Variants in DCP2 observed in about 807,000 individuals in gnomAD.
DCP2 encodes the protein m7GpppN-mRNA hydrolase.
Under a neutral mutation model 56.1 loss-of-function variants are expected in DCP2, and 30 were observed. The ratio of observed to expected loss-of-function variants is 0.53; its 90% CI spans 0.40 to 0.73. The LOEUF is 0.73. Among genes scored for constraint, DCP2 ranks in the 30% least tolerant of loss-of-function variants. DCP2 has a pLI of 0.00. For missense variants in DCP2, 533 were observed against 502.7 expected (o/e 1.06, Z -0.58); for synonymous variants, 197 against 163.3 (o/e 1.21, Z -1.57).
chr5:113,013,718 T>C lies in DCP2; in HGVS notation c.*234T>C. The stretch of plus-strand genomic sequence containing the variant: ...AGTGTTCAGTACAAGTTTAAGTTGC[T>C]TTCTTTGAGGGCATTTATTCTGTGT... On this transcript the variant is annotated 3_prime_UTR_variant, in exon 11 of 11. Transcript: ENST00000389063. The C allele has an allele frequency of 2.4e-6, 1 of 425,092 alleles. No homozygotes were observed. The highest frequency in any genetic ancestry group is 4.1e-6 in the Non-Finnish European group (1 of 242,160). The allele number at this position is 425,092 out of a possible 1,614,324, so 26.3% of individuals were successfully genotyped here. A position where few individuals can be genotyped will look rare whatever the true frequency, so the allele number is the denominator to read the frequency against.
rs902751983 is a variant in DCP2, at chr5:113,019,550, G to A, written c.*6066G>A. On this transcript the variant is annotated 3_prime_UTR_variant, in exon 11 of 11. Coordinates refer to ENST00000389063, the MANE Select transcript of DCP2 (RefSeq NM_152624.6). ...AAGAAATGAGTCTTAAAGTTCTTTGGTCATATTTCACTTTAGAGTTAGGAC... is the reference window on the plus strand; with the variant it reads ...AAGAAATGAGTCTTAAAGTTCTTTGATCATATTTCACTTTAGAGTTAGGAC... 4.6e-5 allele frequency: 7 copies of A among 152,132 alleles called. No individual in the cohort carries two copies. Among genetic ancestry groups the A allele is most frequent in the African/African-American group, 1.4e-4 (6 of 41,428 alleles). 9.4% of individuals were successfully genotyped at this position (152,132 alleles called of 1,614,324 possible). A position where few individuals can be genotyped will look rare whatever the true frequency, so the allele number is the denominator to read the frequency against.
At chr5:113,003,193 C>G (rs1373326934) in intron 7 of DCP2, among the ~76,000 whole-genome samples, 1 of 152,068 alleles carries the variant, frequency 6.6e-6, no homozygotes, top group Non-Finnish European at 1.5e-5. Context: ...GTGATCTACC[C>G]TCCTTGGCCT....
chr5:112,993,799 G>A (rs796482710), intron 4 of DCP2, among the ~76,000 whole-genome samples: 7 of 152,030 alleles, frequency 4.6e-5, no homozygotes, highest in Admixed American at 2.6e-4. Context: ...AACTAACTCT[G>A]TGTATAGGGC....
chr5:112,992,329 C>T lies in DCP2; in HGVS notation c.333+81C>T, dbSNP rs1231861646. ...AAAATTTGTTATTGATGTAGTGTTT[C>T]TAAATTGAGGTTTTAAAATATACTT... On this transcript the variant is annotated intron_variant, in intron 3 of 10. Coordinates refer to ENST00000389063, the MANE Select transcript of DCP2 (RefSeq NM_152624.6). The T allele has an allele frequency of 4.0e-6, 6 of 1,509,152 alleles. No homozygotes were observed. The East Asian group carries it at 9.4e-5, about 24-fold the overall frequency. The allele number at this position is 1,509,152 out of a possible 1,614,324, so 93.5% of individuals were successfully genotyped here. A position where few individuals can be genotyped will look rare whatever the true frequency, so the allele number is the denominator to read the frequency against.
At chr5:113,000,370 A>AT (rs376523982) in intron 4 of DCP2, among the ~76,000 whole-genome samples, 1 of 149,506 alleles carries the variant, frequency 6.7e-6, no homozygotes, top group East Asian at 2.0e-4. Flanking sequence ...GCCCAGTCCT[A>AT]TTTTTTTGAA....
chr5:112,999,567 T>A (rs1423616193), intron 4 of DCP2, among the ~76,000 whole-genome samples: 1 of 151,934 alleles, frequency 6.6e-6, no homozygotes. Context: ...ACCTGGTGAT[T>A]AGCCTGCCTT....
chr5:112,988,494 TAAAAAAAA>T lies in DCP2; in HGVS notation c.205+2525_205+2532del, dbSNP rs368124032. 6.9e-4 allele frequency among the ~76,000 whole-genome samples: 57 copies of T among 82,436 alleles called. No individual in the cohort carries two copies. The South Asian group carries it at 7.3e-3, about 11-fold the overall frequency. 54.1% of individuals were successfully genotyped at this position (82,436 alleles called of 152,430 possible). ...GTGACACAGCGAGACTGTGTCTTAA[TAAAAAAAA>T]AAAAAAAAAAAAAAAATGGTATCCA... On this transcript the variant is annotated intron_variant, in intron 2 of 10. Coordinates refer to ENST00000389063, the MANE Select transcript of DCP2 (RefSeq NM_152624.6).
intron 8 of DCP2, among the ~76,000 whole-genome samples, chr5:113,006,476 G>A (rs975786862): frequency 6.6e-6 from 1 of 152,192 alleles, no homozygotes; most frequent in Admixed American, 6.5e-5. Context: ...AGAGTGGAAT[G>A]AAACTAAATT....
At chr5:113,001,857 T>G (rs1459627306) in intron 7 of DCP2, among the ~76,000 whole-genome samples, 183 bp downstream of exon 7, 1 of 152,136 alleles carries the variant, frequency 6.6e-6, no homozygotes, top group Admixed American at 6.6e-5. Context: ...AAAGGTTAAT[T>G]GGAGTTGGAA....
intron 4 of DCP2, among the ~76,000 whole-genome samples, chr5:112,997,049 G>C (rs1386750203): frequency 5.9e-5 from 9 of 152,168 alleles, no homozygotes; most frequent in Non-Finnish European, 2.9e-5. Flanking sequence ...AAAGCAGAGG[G>C]GACTTCCTTA....
chr5:112,991,960 A>C (rs1219094621), intron 2 of DCP2, among the ~76,000 whole-genome samples, 161 bp from the exon 3 acceptor site: 1 of 152,216 alleles, frequency 6.6e-6, no homozygotes, highest in East Asian at 1.9e-4. Context: ...CTGGGGTTAC[A>C]GGTGTGAGCC....
At chr5:112,984,115 G>A (rs1050253116) in intron 1 of DCP2, 4 of 152,174 alleles carry the variant, frequency 2.6e-5, no homozygotes, top group African/African-American at 4.8e-5. Flanking sequence ...GTTGACAGAT[G>A]TGTACCAGGT....
chr5:112,982,672 TCTTA>T (rs146937534), intron 1 of DCP2, among the ~76,000 whole-genome samples: 2,999 of 152,300 alleles, frequency 0.02, 93 homozygotes, highest in African/African-American at 0.068. Flanking sequence ...CCCCGAGGGC[TCTTA>T]CTTAGTTACT....
chr5:112,985,590 T>C (rs1748240597), intron 1 of DCP2, among the ~76,000 whole-genome samples: 1 of 152,190 alleles, frequency 6.6e-6, no homozygotes, highest in Non-Finnish European at 1.5e-5. Flanking sequence ...CTGATCTCTG[T>C]ACTTGTGAAC....
intron 8 of DCP2, among the ~76,000 whole-genome samples, chr5:113,005,262 T>C: frequency 6.6e-6 from 1 of 151,706 alleles, no homozygotes; most frequent in South Asian, 2.1e-4. Context: ...TATTTGCAAA[T>C]TATATATATA....
chr5:112,994,717 ATTGGCC>A (rs1166209798), intron 4 of DCP2, among the ~76,000 whole-genome samples: 1 of 152,222 alleles, frequency 6.6e-6, no homozygotes, highest in African/African-American at 2.4e-5. Context: ...GGGAAAGCAG[ATTGGCC>A]TAGGAGTTGA....
chr5:112,987,745 A>T (rs138280337), intron 2 of DCP2, among the ~76,000 whole-genome samples: 9,657 of 148,156 alleles, frequency 0.065, 428 homozygotes, highest in South Asian at 0.094. Context: ...AAGTGCTGGG[A>T]TTACAGGTAT....
At chr5:113,001,766 A>G in intron 7 of DCP2, 92 bp downstream of exon 7, 1 of 1,222,170 alleles carries the variant, frequency 8.2e-7, no homozygotes, top group South Asian at 1.3e-5. Context: ...AGAGGATGTA[A>G]GATTTCTTTT....
chr5:112,997,124 G>A (rs1006884946), intron 4 of DCP2, among the ~76,000 whole-genome samples: 1 of 152,192 alleles, frequency 6.6e-6, no homozygotes, highest in African/African-American at 2.4e-5. Context: ...CACATATCTT[G>A]AAGGTTAGGA....
Sources: gnomAD v4.1 joint callset for allele counts (sites outside exome capture counted in the v4.1 genomes callset) on GRCh38, gnomAD v4.1.1 for gene constraint, MANE v1.5 for transcripts, NCBI Gene and HGNC (gene_info 2026-07-23, HGNC 2026-07-21) for gene names.